The following DNAJB4 variants were observed in gnomAD, a reference collection of about 807,000 sequenced individuals.
DNAJB4 encodes dnaJ homolog subfamily B member 4.
In DNAJB4, 10 loss-of-function variants were observed where a neutral mutation model predicts 26.6. The observed-to-expected ratio is 0.38, with a 90% CI of 0.23 to 0.64. DNAJB4 has a LOEUF of 0.64. DNAJB4 is among the 30% of genes least tolerant of loss of function. The probability of loss-of-function intolerance (pLI) is 0.58; values close to 1 mark genes in which losing one functional copy is unlikely to be tolerated. For missense variants in DNAJB4, 328 were observed against 408.2 expected (o/e 0.80, Z 1.69); for synonymous variants, 136 against 134.8 (o/e 1.01, Z -0.06).
chr1:77,981,020 T>A (rs752568990), intron 1 of DNAJB4, among the ~76,000 whole-genome samples: 111 of 152,356 alleles, frequency 7.3e-4, no homozygotes, highest in Non-Finnish European at 1.5e-3. Flanking sequence ...GATTTTTTCA[T>A]ATTTTATTAA....
At chr1:78,013,952 T>C (rs974332520) in intron 2 of DNAJB4, among the ~76,000 whole-genome samples, 1 of 152,022 alleles carries the variant, frequency 6.6e-6, no homozygotes, top group Non-Finnish European at 1.5e-5. Flanking sequence ...TAATATGGAG[T>C]AATAATTGCA....
rs145640977 is a variant in DNAJB4, at chr1:77,996,322, T to C, written c.-31-8758T>C. On this transcript the variant is annotated intron_variant, in intron 1 of 2. Transcript: ENST00000426517. ...GCACATGCCACCATGCCTGGCTGAT[T>C]TGTAAATTTTTTGTAGGGATGGAAT... Among the ~76,000 whole-genome samples, 24 of 152,136 alleles carry C rather than the reference T, an allele frequency of 1.6e-4. No homozygotes were observed. The East Asian group carries it at 4.1e-3, about 26-fold the overall frequency.
At chr1:77,997,219 C>G (rs886503091) in intron 1 of DNAJB4, among the ~76,000 whole-genome samples, 4 of 151,158 alleles carry the variant, frequency 2.6e-5, no homozygotes, top group Non-Finnish European at 5.9e-5. Flanking sequence ...GTTGCACATG[C>G]CTGTAATCCC....
chr1:78,012,961 T>C (rs1274983990), intron 1 of DNAJB4, 90 bp from the exon 2 acceptor site: 1 of 1,197,832 alleles, frequency 8.3e-7, no homozygotes, highest in Non-Finnish European at 1.1e-6. Flanking sequence ...TAATGTAAGT[T>C]AGCCAAAATT....
Position 78,013,475 on chromosome 1 carries a change from C to G in DNAJB4, c.636C>G (p.Thr212=). The change falls in exon 2 of 3, where the codon ACC becomes ACG. Residue 212 remains threonine (T), a synonymous_variant. Transcript: ENST00000370763. ...TTAAAAAAGGGTGGAAAGAAGGCAC[C>G]AAAATTACTTTTCCAAGAGAAGGAG... The part of the protein sequence containing the change: ...IEIKKGWKEG[T]KITFPREGDE... 6.2e-7 allele frequency: 1 copy of G among 1,614,046 alleles called. No homozygotes were observed. Among genetic ancestry groups the G allele is most frequent in the Non-Finnish European group, 8.5e-7 (1 of 1,180,006 alleles).
At chr1:77,979,643 A>C (rs761018828), upstream of DNAJB4, 8 of 152,350 alleles carry the variant, frequency 5.3e-5, no homozygotes, top group Non-Finnish European at 1.0e-4. Context: ...CCTGTATTTT[A>C]CTTACAGACT....
At chr1:78,000,907 C>A (rs537524375), upstream of DNAJB4, among the ~76,000 whole-genome samples, 1 of 151,972 alleles carries the variant, frequency 6.6e-6, no homozygotes, top group Non-Finnish European at 1.5e-5. Flanking sequence ...TCTTAAAACC[C>A]GGGAGGCGGA....
rs921365967 is a variant in DNAJB4, at chr1:78,017,804, T to G, written c.*1557T>G. The G allele has an allele frequency of 2.6e-4, 39 of 150,034 alleles. No homozygotes were observed. The highest frequency in any genetic ancestry group is 3.2e-3 in the Middle Eastern group (1 of 314). 9.3% of individuals were successfully genotyped at this position (150,034 alleles called of 1,614,324 possible). ...TTTGGTCTGGCCTCTTTCATTTAGC[T>G]TAATGTTTTCAAGGTTCATCTATGT... On this transcript the variant is annotated 3_prime_UTR_variant, in exon 3 of 3. Coordinates refer to ENST00000370763, the MANE Select transcript of DNAJB4 (RefSeq NM_007034.5).
intron 1 of DNAJB4, among the ~76,000 whole-genome samples, chr1:77,988,864 G>A (rs1659864197): frequency 6.6e-6 from 1 of 152,094 alleles, no homozygotes; most frequent in East Asian, 1.9e-4. Context: ...TGTATCCCTA[G>A]CACCTAGAAA....
At chr1:77,981,525 G>A (rs547179266) in intron 1 of DNAJB4, among the ~76,000 whole-genome samples, 2 of 152,178 alleles carry the variant, frequency 1.3e-5, no homozygotes, top group Middle Eastern at 6.8e-3. Flanking sequence ...TGTTGGCCAG[G>A]CTGGTCTCGA....
At chr1:77,995,766 A>C (rs1366650276) in intron 1 of DNAJB4, among the ~76,000 whole-genome samples, 1 of 152,192 alleles carries the variant, frequency 6.6e-6, no homozygotes, top group East Asian at 1.9e-4. Flanking sequence ...CTCAGTGTTT[A>C]AAATCAGTGT....
intron 2 of DNAJB4, 108 bp downstream of exon 2, chr1:78,013,727 AAAT>A (rs1660559527): frequency 2.3e-6 from 2 of 854,556 alleles, no homozygotes; most frequent in Non-Finnish European, 3.5e-6. Context: ...TATACGTTAA[AAAT>A]AATTACTATA....
chr1:77,979,322 T>A (rs1231985111), upstream of DNAJB4: 1 of 327,172 alleles, frequency 3.1e-6, no homozygotes, highest in East Asian at 4.9e-5. Flanking sequence ...TCCTGCAGGG[T>A]GGTGGGTGAT....
chr1:77,991,000 T>G (rs1659919127), intron 1 of DNAJB4, among the ~76,000 whole-genome samples: 1 of 152,146 alleles, frequency 6.6e-6, no homozygotes, highest in African/African-American at 2.4e-5. Context: ...TAAGGTGATG[T>G]GTAATACAGT....
At chr1:78,006,380 G>A (rs553407872) in intron 1 of DNAJB4, among the ~76,000 whole-genome samples, 1 of 152,232 alleles carries the variant, frequency 6.6e-6, no homozygotes, top group Non-Finnish European at 1.5e-5. Flanking sequence ...TTTATTATTA[G>A]TTTTTCTCCC....
chr1:77,984,622 TC>T lies in DNAJB4; in HGVS notation c.-32+4303del, dbSNP rs552532976. ...TTATGAATACAGAAATTTTGTCTTC[TC>T]CCTTTTCCCCTCCTCTGTATAAAAG... On this transcript the variant is annotated intron_variant, in intron 1 of 2. Transcript: ENST00000426517. Among the ~76,000 whole-genome samples the T allele has an allele frequency of 4.5e-4, 69 of 152,310 alleles. 2 individuals carry two copies. In the South Asian group the frequency reaches 0.014, roughly 31 times the overall value.
chr1:77,992,218 C>A (rs1659946502), intron 1 of DNAJB4, among the ~76,000 whole-genome samples: 1 of 151,484 alleles, frequency 6.6e-6, no homozygotes, highest in East Asian at 1.9e-4. Context: ...TCGAGACCAT[C>A]CCGGCTAAAA....
intron 1 of DNAJB4, among the ~76,000 whole-genome samples, chr1:77,988,406 C>G (rs1659851101): frequency 6.6e-6 from 1 of 152,164 alleles, no homozygotes; most frequent in Non-Finnish European, 1.5e-5. Context: ...GTAAAACTCT[C>G]CAATGGCATT....
chr1:78,010,838 C>T (rs1030215170), intron 1 of DNAJB4, among the ~76,000 whole-genome samples: 1 of 152,060 alleles, frequency 6.6e-6, no homozygotes, highest in African/African-American at 2.4e-5. Context: ...TTCTCTGTAC[C>T]GATACTCAAG....
Sources: allele counts gnomAD v4.1 joint callset (sites outside exome capture counted in the v4.1 genomes callset), GRCh38; gene constraint gnomAD v4.1.1; transcripts MANE v1.5; gene names NCBI Gene and HGNC (gene_info 2026-07-23, HGNC 2026-07-21).